VAV3: variants seen among roughly 807,000 people sequenced by gnomAD.
The protein encoded by VAV3 is guanine nucleotide exchange factor VAV3.
A neutral mutation model predicts 131.2 loss-of-function variants in VAV3; 94 were observed. The ratio of observed to expected loss-of-function variants is 0.72; its 90% CI spans 0.61 to 0.85. The LOEUF (loss-of-function observed/expected upper bound fraction) is 0.85. VAV3 is among the 40% of genes least tolerant of loss of function. The probability of loss-of-function intolerance (pLI) is 0.00; values close to 1 mark genes in which losing one functional copy is unlikely to be tolerated. For missense variants in VAV3, 939 were observed against 1,002.7 expected (o/e 0.94, Z 0.86); for synonymous variants, 349 against 342.0 (o/e 1.02, Z -0.22).
At chr1:107,818,421 G>T (rs1385924950) in intron 2 of VAV3, among the ~76,000 whole-genome samples, 1 of 151,484 alleles carries the variant, frequency 6.6e-6, no homozygotes, top group Non-Finnish European at 1.5e-5. Context: ...GATTACCTAG[G>T]AATCACACAG....
chr1:107,603,220 C>T, intron 22 of VAV3, 57 bp from the exon 23 acceptor site: 3 of 1,296,766 alleles, frequency 2.3e-6, no homozygotes, highest in Non-Finnish European at 3.3e-6. Flanking sequence ...AGAACAGAGG[C>T]TAAAAGTAAG....
chr1:107,922,674 C>T (rs189016646), intron 1 of VAV3, among the ~76,000 whole-genome samples: 14 of 152,016 alleles, frequency 9.2e-5, no homozygotes, highest in East Asian at 7.8e-4. Flanking sequence ...ACAATTTGGC[C>T]GGGCGCGGTG....
At chr1:107,765,647 A>G (rs143034326) in intron 8 of VAV3, among the ~76,000 whole-genome samples, 1 of 152,210 alleles carries the variant, frequency 6.6e-6, no homozygotes, top group Admixed American at 6.5e-5. Context: ...AACATAAATC[A>G]TCTGAAGAGA....
At chr1:107,709,204 C>A (rs1296554343) in intron 15 of VAV3, among the ~76,000 whole-genome samples, 1 of 152,166 alleles carries the variant, frequency 6.6e-6, no homozygotes, top group East Asian at 1.9e-4. Context: ...AAGTCCGCCT[C>A]CCCACTGACC....
intron 20 of VAV3, among the ~76,000 whole-genome samples, chr1:107,632,522 T>C (rs1654580875): frequency 6.6e-6 from 1 of 152,212 alleles, no homozygotes. Flanking sequence ...AAACTAGCAT[T>C]TGCTGGCTAA....
chr1:107,906,123 T>C (rs903272569), intron 1 of VAV3, among the ~76,000 whole-genome samples: 2 of 152,224 alleles, frequency 1.3e-5, no homozygotes, highest in African/African-American at 4.8e-5. Context: ...TCCTTATTAC[T>C]GGCAGATCCA....
At chr1:107,916,190 A>T (rs1363888510) in intron 1 of VAV3, among the ~76,000 whole-genome samples, 1 of 152,154 alleles carries the variant, frequency 6.6e-6, no homozygotes, top group Non-Finnish European at 1.5e-5. Context: ...CACACAAAAA[A>T]ATATATATAT....
At chr1:107,924,165 AT>A (rs1673043755) in intron 1 of VAV3, among the ~76,000 whole-genome samples, 2 of 152,148 alleles carry the variant, frequency 1.3e-5, no homozygotes, top group African/African-American at 4.8e-5. Context: ...CCCGTTCCCT[AT>A]AGAATCTTAT....
intron 19 of VAV3, among the ~76,000 whole-genome samples, chr1:107,666,057 TGAA>T (rs1657386747): frequency 2.0e-5 from 3 of 152,180 alleles, no homozygotes. Flanking sequence ...CCACGTGGCC[TGAA>T]GAATAGAGGT....
chr1:107,945,552 G>T (rs192016364), intron 1 of VAV3, among the ~76,000 whole-genome samples: 7 of 152,022 alleles, frequency 4.6e-5, no homozygotes, highest in African/African-American at 1.7e-4. Context: ...GTCCAGGCGC[G>T]GTGGCTCATG....
At chr1:107,778,414 T>TC (rs1463724729) in intron 3 of VAV3, among the ~76,000 whole-genome samples, 46 of 152,310 alleles carry the variant, frequency 3.0e-4, no homozygotes, top group African/African-American at 1.1e-3. Context: ...AAAAAATCTT[T>TC]ACATATAATA....
chr1:107,699,109 A>C (rs1354190989), intron 17 of VAV3, among the ~76,000 whole-genome samples: 2 of 152,228 alleles, frequency 1.3e-5, no homozygotes, highest in African/African-American at 4.8e-5. Flanking sequence ...GTCTTAACTA[A>C]TTTCAGCATT....
intron 2 of VAV3, among the ~76,000 whole-genome samples, chr1:107,782,555 T>C (rs1363643575): frequency 1.3e-5 from 2 of 152,172 alleles, no homozygotes; most frequent in Non-Finnish European, 2.9e-5. Context: ...AATATACAAA[T>C]GCAGCAAATG....
chr1:107,606,645 C>T (rs532974904), intron 22 of VAV3, among the ~76,000 whole-genome samples: 66 of 152,018 alleles, frequency 4.3e-4, no homozygotes, highest in African/African-American at 1.6e-3. Context: ...AACTTTATTT[C>T]CCAAGTCTTC....
At chr1:107,749,637 A>G (rs775966074) in intron 13 of VAV3, 43 bp from the exon 14 acceptor site, 2 of 1,585,800 alleles carry the variant, frequency 1.3e-6, no homozygotes, top group South Asian at 2.3e-5. Flanking sequence ...ATGGTTTAGA[A>G]ACATGGGTTA....
intron 1 of VAV3, among the ~76,000 whole-genome samples, chr1:107,931,718 T>C: frequency 6.6e-6 from 1 of 152,212 alleles, no homozygotes. Context: ...ACTTAAGTGG[T>C]CTGCTCAAAA....
intron 1 of VAV3, among the ~76,000 whole-genome samples, chr1:107,962,732 A>C (rs941146406): frequency 1.3e-5 from 2 of 152,198 alleles, no homozygotes; most frequent in African/African-American, 4.8e-5. Context: ...AGGACATTAC[A>C]GGAGAAACTG....
In VAV3 at chr1:107,694,677, C is replaced by T. The variant is rs567683917; in HGVS notation, c.1706-6271G>A. On this transcript the variant is annotated intron_variant, in intron 17 of 26. Coordinates refer to ENST00000370056, the MANE Select transcript of VAV3 (RefSeq NM_006113.5). The stretch of plus-strand genomic sequence containing the variant: ...AACCAAAACTGTACAATCCCCTGCA[C>T]TCTCCTGTTTCTGATTCTAAGATTA... Among the ~76,000 whole-genome samples the T allele has an allele frequency of 1.4e-4, 22 of 152,268 alleles. No homozygotes were observed. In the South Asian group the frequency reaches 3.3e-3, roughly 23 times the overall value.
intron 1 of VAV3, among the ~76,000 whole-genome samples, chr1:107,918,655 T>C (rs1672733185): frequency 6.7e-6 from 1 of 149,856 alleles, no homozygotes; most frequent in Non-Finnish European, 1.5e-5. Context: ...TAAAAAGTAG[T>C]TTTAAGGCAT....
Sources: allele counts gnomAD v4.1 joint callset (sites outside exome capture counted in the v4.1 genomes callset), GRCh38; gene constraint gnomAD v4.1.1; transcripts MANE v1.5; gene names NCBI Gene and HGNC (gene_info 2026-07-23, HGNC 2026-07-21).